STXBP5L: variants seen among roughly 807,000 people sequenced by gnomAD.
STXBP5L encodes the protein syntaxin binding protein 5L.
STXBP5L carries 65 observed loss-of-function variants against 144.5 expected under a neutral mutation model. That is an observed-to-expected ratio of 0.45 (90% CI 0.37 to 0.55). The LOEUF (loss-of-function observed/expected upper bound fraction) is 0.55, where lower values mean the gene tolerates loss of function less well. Among genes scored for constraint, STXBP5L ranks in the 20% least tolerant of loss-of-function variants. STXBP5L has a pLI of 0.00. For missense variants in STXBP5L, 1,298 were observed against 1,405.5 expected (o/e 0.92, Z 1.22); for synonymous variants, 505 against 469.6 (o/e 1.08, Z -0.97).
intron 20 of STXBP5L, among the ~76,000 whole-genome samples, chr3:121,366,486 A>G: frequency 6.6e-6 from 1 of 151,972 alleles, no homozygotes; most frequent in East Asian, 1.9e-4. Flanking sequence ...CTTTTTAGGA[A>G]ATATAATGTC....
Position 120,962,695 on chromosome 3 carries a change from T to C in STXBP5L, c.287+7658T>C, listed in dbSNP as rs527327633. On this transcript the variant is annotated intron_variant, in intron 3 of 26. Coordinates refer to ENST00000471454, the MANE Select transcript of STXBP5L (RefSeq NM_001308330.2). ...CTTACTGTAGCCTTGTAGTATAGTT[T>C]GAAGTCAGGTAGCATGATGGCTCCA... Among the ~76,000 whole-genome samples, 16 of 152,350 alleles carry C rather than the reference T, an allele frequency of 1.1e-4. No individual in the cohort carries two copies. In the South Asian group the frequency reaches 2.7e-3, roughly 26 times the overall value.
chr3:121,123,337 G>A (rs1157651637), intron 7 of STXBP5L, among the ~76,000 whole-genome samples: 3 of 151,514 alleles, frequency 2.0e-5, no homozygotes, highest in Non-Finnish European at 3.0e-5. Flanking sequence ...ATTCATTTCC[G>A]ATATCTATAC....
chr3:121,029,085 G>A (rs550320144), intron 3 of STXBP5L, among the ~76,000 whole-genome samples: 6 of 152,006 alleles, frequency 3.9e-5, no homozygotes, highest in African/African-American at 1.2e-4. Context: ...AATCAATATC[G>A]TGCAAATGGC....
At chr3:121,315,217 A>C (rs1489792989) in intron 19 of STXBP5L, among the ~76,000 whole-genome samples, 1 of 152,194 alleles carries the variant, frequency 6.6e-6, no homozygotes, top group Non-Finnish European at 1.5e-5. Context: ...TCACAATAGC[A>C]AAGACTTGGA....
intron 20 of STXBP5L, among the ~76,000 whole-genome samples, chr3:121,347,050 T>C (rs559095970): frequency 1.3e-5 from 2 of 152,218 alleles, no homozygotes; most frequent in Non-Finnish European, 2.9e-5. Context: ...TGAATGGTAT[T>C]GCCTAGGTTT....
chr3:121,305,916 G>T (rs2043322279), intron 19 of STXBP5L, among the ~76,000 whole-genome samples: 1 of 152,070 alleles, frequency 6.6e-6, no homozygotes, highest in South Asian at 2.1e-4. Flanking sequence ...AATAATAAGT[G>T]AATTTAGCAA....
At position 121,157,408 on chromosome 3, in the gene STXBP5L, T is replaced by C. The variant is rs1426874041; in HGVS notation, c.754-96T>C. The C allele has an allele frequency of 4.7e-6, 6 of 1,266,866 alleles. No homozygotes were observed. In the East Asian group the frequency reaches 1.8e-4, roughly 39 times the overall value. 78.5% of individuals were successfully genotyped at this position (1,266,866 alleles called of 1,614,324 possible). On this transcript the variant is annotated intron_variant, in intron 8 of 26. Transcript: ENST00000471454. ...TGTTTTTTAAGTGTTGTTAGTATAA[T>C]AATTTTATATCAGAATAGTTTTTCT... is the stretch of plus-strand genomic sequence containing the variant.
intron 9 of STXBP5L, among the ~76,000 whole-genome samples, chr3:121,169,879 T>G (rs1045971791): frequency 6.6e-5 from 10 of 152,100 alleles, no homozygotes; most frequent in Non-Finnish European, 1.0e-4. Flanking sequence ...CCACCCCAAA[T>G]CAACAGAATA....
At chr3:121,202,835 G>A (rs1015605266) in intron 9 of STXBP5L, among the ~76,000 whole-genome samples, 1 of 151,422 alleles carries the variant, frequency 6.6e-6, no homozygotes. Flanking sequence ...TTTCTTTTAA[G>A]CATGTTTACT....
intron 5 of STXBP5L, among the ~76,000 whole-genome samples, chr3:121,109,488 T>C (rs1393141106): frequency 6.6e-6 from 1 of 152,156 alleles, no homozygotes; most frequent in Non-Finnish European, 1.5e-5. Flanking sequence ...TACCCAGGAG[T>C]CATTCAGGAG....
At chr3:121,033,498 C>G (rs1171555465) in intron 3 of STXBP5L, among the ~76,000 whole-genome samples, 5 of 140,050 alleles carry the variant, frequency 3.6e-5, no homozygotes, top group African/African-American at 1.4e-4. Context: ...GTGCAGTGCA[C>G]CAGCATGGCA....
At chr3:121,039,184 A>G (rs1239661659) in intron 3 of STXBP5L, among the ~76,000 whole-genome samples, 2 of 151,772 alleles carry the variant, frequency 1.3e-5, no homozygotes, top group East Asian at 3.9e-4. Context: ...TCCCCCCAAC[A>G]ATATTCTGCG....
chr3:120,999,262 A>G (rs1943586746), intron 3 of STXBP5L, among the ~76,000 whole-genome samples: 1 of 152,176 alleles, frequency 6.6e-6, no homozygotes, highest in Admixed American at 6.6e-5. Flanking sequence ...CGTGTTGGCC[A>G]GGCTTGTCTT....
intron 3 of STXBP5L, among the ~76,000 whole-genome samples, chr3:121,025,153 T>A (rs150358978): frequency 6.6e-6 from 1 of 152,214 alleles, no homozygotes; most frequent in South Asian, 2.1e-4. Context: ...CCAAGAGAGA[T>A]GTTAGAGATT....
At chr3:120,987,302 A>C (rs1411292915) in intron 3 of STXBP5L, among the ~76,000 whole-genome samples, 4 of 151,994 alleles carry the variant, frequency 2.6e-5, no homozygotes, top group African/African-American at 9.7e-5. Context: ...CAGTATTTTT[A>C]AGTTTTAGTC....
intron 5 of STXBP5L, among the ~76,000 whole-genome samples, chr3:121,064,756 CAG>C (rs1199711133): frequency 6.6e-6 from 1 of 152,086 alleles, no homozygotes; most frequent in African/African-American, 2.4e-5. Context: ...TTATTTTAGA[CAG>C]AGAGGATGCA....
chr3:121,105,953 T>C (rs1471290384), intron 5 of STXBP5L, among the ~76,000 whole-genome samples: 1 of 152,090 alleles, frequency 6.6e-6, no homozygotes, highest in African/African-American at 2.4e-5. Flanking sequence ...TTTCTAAGAG[T>C]AAGTCAAAAG....
chr3:121,293,131 G>T (rs773846727), intron 19 of STXBP5L, among the ~76,000 whole-genome samples: 1 of 152,012 alleles, frequency 6.6e-6, no homozygotes, highest in South Asian at 2.1e-4. Context: ...GCTCTGCTCC[G>T]CAATAAAAAA....
At chr3:121,395,760 G>A (rs1372421366) in intron 22 of STXBP5L, among the ~76,000 whole-genome samples, 1 of 152,218 alleles carries the variant, frequency 6.6e-6, no homozygotes, top group East Asian at 1.9e-4. Context: ...ATTACTCATT[G>A]TGAGTGGTTG....
Sources: allele counts gnomAD v4.1 joint callset (sites outside exome capture counted in the v4.1 genomes callset), GRCh38; gene constraint gnomAD v4.1.1; transcripts MANE v1.5; gene names NCBI Gene and HGNC (gene_info 2026-07-23, HGNC 2026-07-21).